CNTN4: variants seen among roughly 807,000 people sequenced by gnomAD.
CNTN4 encodes contactin 4.
In CNTN4, 77 loss-of-function variants were observed where a neutral mutation model predicts 122.5. That is an observed-to-expected ratio of 0.63 (90% CI 0.52 to 0.76). The LOEUF (loss-of-function observed/expected upper bound fraction) is 0.76. Among genes scored for constraint, CNTN4 ranks in the 30% least tolerant of loss-of-function variants. The probability of loss-of-function intolerance (pLI) is 0.00; values close to 1 mark genes in which losing one functional copy is unlikely to be tolerated. For missense variants in CNTN4, 1,256 were observed against 1,259.1 expected (o/e 1.00, Z 0.04); for synonymous variants, 512 against 447.0 (o/e 1.15, Z -1.83).
At chr3:2,226,825 C>G (rs1429289698) in intron 2 of CNTN4, among the ~76,000 whole-genome samples, 1 of 151,994 alleles carries the variant, frequency 6.6e-6, no homozygotes, top group Non-Finnish European at 1.5e-5. Context: ...CTTTTTTTAA[C>G]AAATGCAGAT....
intron 7 of CNTN4, among the ~76,000 whole-genome samples, chr3:2,839,634 A>T (rs1350504116): frequency 3.9e-5 from 6 of 152,344 alleles, no homozygotes; most frequent in Non-Finnish European, 1.5e-5. Context: ...AGTGAACCAG[A>T]TGTAAGATAA....
At chr3:2,882,510 C>T (rs1252211951) in intron 8 of CNTN4, among the ~76,000 whole-genome samples, 1 of 152,090 alleles carries the variant, frequency 6.6e-6, no homozygotes, top group Non-Finnish European at 1.5e-5. Flanking sequence ...AGAATATGAC[C>T]CTCCAAATAA....
intron 4 of CNTN4, among the ~76,000 whole-genome samples, chr3:2,735,351 G>A (rs774040909): frequency 2.6e-5 from 4 of 152,160 alleles, no homozygotes; most frequent in African/African-American, 9.7e-5. Context: ...ATGTGTACTC[G>A]ACACTGCCAC....
At chr3:2,352,503 C>A (rs1444826700) in intron 3 of CNTN4, among the ~76,000 whole-genome samples, 1 of 152,206 alleles carries the variant, frequency 6.6e-6, no homozygotes, top group East Asian at 1.9e-4. Context: ...GCCGGCACAG[C>A]CAGCCCCTGG....
rs1002576037 is a variant in CNTN4, at chr3:2,671,624, G to T, written c.56-64591G>T. 2.6e-5 allele frequency among the ~76,000 whole-genome samples: 4 copies of T among 152,174 alleles called. No individual in the cohort carries two copies. In the East Asian group the frequency reaches 7.7e-4, roughly 29 times the overall value. ...CATTTTCCATCTGCTTTGTTCTGTTGCTGGTGAGGAGCTGCGTTCCTTTGG... is the reference window on the plus strand; with the variant it reads ...CATTTTCCATCTGCTTTGTTCTGTTTCTGGTGAGGAGCTGCGTTCCTTTGG... On this transcript the variant is annotated intron_variant, in intron 4 of 24. Coordinates refer to ENST00000418658, the MANE Select transcript of CNTN4 (RefSeq NM_175607.3).
chr3:2,803,898 T>C (rs998639238), intron 6 of CNTN4, among the ~76,000 whole-genome samples: 3 of 152,008 alleles, frequency 2.0e-5, no homozygotes, highest in African/African-American at 7.2e-5. Flanking sequence ...ACAATTAAAA[T>C]GAATGAACCA....
intron 2 of CNTN4, among the ~76,000 whole-genome samples, chr3:2,131,172 A>G (rs2034432968): frequency 6.6e-6 from 1 of 152,210 alleles, no homozygotes; most frequent in South Asian, 2.1e-4. Context: ...GATGAGGAAG[A>G]GTTTCAGAGA....
chr3:2,156,649 G>A (rs1032386594), intron 2 of CNTN4, among the ~76,000 whole-genome samples: 6 of 152,180 alleles, frequency 3.9e-5, no homozygotes, highest in Non-Finnish European at 5.9e-5. Context: ...GTAAATGTTT[G>A]TTTTGGAGAT....
At chr3:2,494,212 G>A (rs995399446) in intron 3 of CNTN4, among the ~76,000 whole-genome samples, 3 of 152,108 alleles carry the variant, frequency 2.0e-5, no homozygotes, top group Non-Finnish European at 2.9e-5. Flanking sequence ...CAAGAGTTCC[G>A]GAGAACACAT....
chr3:2,418,857 T>C (rs1279529654), intron 3 of CNTN4, among the ~76,000 whole-genome samples: 4 of 152,204 alleles, frequency 2.6e-5, no homozygotes, highest in South Asian at 4.1e-4. Context: ...GATATTTGTA[T>C]TTAGATGTTT....
At chr3:2,434,502 A>G (rs1411357036) in intron 3 of CNTN4, among the ~76,000 whole-genome samples, 1 of 152,156 alleles carries the variant, frequency 6.6e-6, no homozygotes, top group Non-Finnish European at 1.5e-5. Context: ...GTAGTCCCAG[A>G]TTGGTGCAGC....
intron 2 of CNTN4, among the ~76,000 whole-genome samples, chr3:2,278,877 C>G (rs1489087531): frequency 6.6e-6 from 1 of 151,796 alleles, no homozygotes; most frequent in Non-Finnish European, 1.5e-5. Flanking sequence ...CTGTTATTTA[C>G]CCTAAATAAA....
rs546111028 is a variant in CNTN4, at chr3:2,215,641, G to A, written c.-145+115002G>A. Among the ~76,000 whole-genome samples the A allele has an allele frequency of 9.9e-5, 15 of 152,154 alleles. No homozygotes were observed. In the South Asian group the frequency reaches 3.1e-3, roughly 32 times the overall value. Reference sequence around the variant, plus strand: ...TTCACGCCTGTAATCCCAGCACTTTGGGAGGCCGAGGCACGTGGATCATGA... The same window carrying A: ...TTCACGCCTGTAATCCCAGCACTTTAGGAGGCCGAGGCACGTGGATCATGA... On this transcript the variant is annotated intron_variant, in intron 2 of 24. Transcript: ENST00000418658.
chr3:2,863,666 A>G (rs762918247), intron 7 of CNTN4, among the ~76,000 whole-genome samples: 6 of 151,958 alleles, frequency 3.9e-5, no homozygotes, highest in Non-Finnish European at 8.8e-5. Context: ...TTCCCAAACT[A>G]GGTTTTTTGA....
chr3:2,902,856 G>GTTCCTCTT lies in CNTN4; in HGVS notation c.1078-16_1078-9dup. ...AGTTGTAGAAGGTCATTGTTTTTAT[G>GTTCCTCTT]TTCCTCTTTTCTTTCACAGGATAGA... On this transcript the variant is annotated intron_variant, in intron 11 of 24. Transcript: ENST00000418658. The GTTCCTCTT allele has an allele frequency of 6.2e-7, 1 of 1,609,052 alleles. No individual in the cohort carries two copies. Among genetic ancestry groups the GTTCCTCTT allele is most frequent in the Non-Finnish European group, 8.5e-7 (1 of 1,177,008 alleles).
chr3:2,514,851 A>C (rs1481075133), intron 3 of CNTN4, among the ~76,000 whole-genome samples: 1 of 152,056 alleles, frequency 6.6e-6, no homozygotes, highest in Admixed American at 6.6e-5. Flanking sequence ...ATATTTCACT[A>C]GGATGCTTTC....
chr3:3,025,350 A>T (rs952835465), intron 14 of CNTN4, among the ~76,000 whole-genome samples: 1 of 152,156 alleles, frequency 6.6e-6, no homozygotes, highest in Non-Finnish European at 1.5e-5. Flanking sequence ...AAATATTAGA[A>T]AAATGTCTAA....
At chr3:2,420,231 A>G (rs758728043) in intron 3 of CNTN4, among the ~76,000 whole-genome samples, 2 of 152,118 alleles carry the variant, frequency 1.3e-5, no homozygotes, top group Non-Finnish European at 2.9e-5. Context: ...GGGAAATTGC[A>G]CTGCTTATAT....
intron 7 of CNTN4, among the ~76,000 whole-genome samples, chr3:2,839,770 A>G (rs765765699): frequency 6.6e-6 from 1 of 152,152 alleles, no homozygotes; most frequent in Admixed American, 6.5e-5. Context: ...AACTGACTTG[A>G]TTTCCATGGG....
Sources: allele counts gnomAD v4.1 joint callset (sites outside exome capture counted in the v4.1 genomes callset), GRCh38; gene constraint gnomAD v4.1.1; transcripts MANE v1.5; gene names NCBI Gene and HGNC (gene_info 2026-07-23, HGNC 2026-07-21).